Variants in CC2D2B observed in about 807,000 individuals in gnomAD.
The protein encoded by CC2D2B is protein CC2D2B.
Under a neutral mutation model 161.2 loss-of-function variants are expected in CC2D2B, and 128 were observed. The ratio of observed to expected loss-of-function variants is 0.79; its 90% confidence interval spans 0.69 to 0.92. The LOEUF (loss-of-function observed/expected upper bound fraction) is 0.92. CC2D2B is among the 40% of genes least tolerant of loss of function. CC2D2B has a pLI of 0.00. For missense variants in CC2D2B, 1,173 were observed against 1,375.1 expected, an observed-to-expected ratio of 0.85 and a Z score of 2.32; for synonymous variants, 391 against 449.8, an observed-to-expected ratio of 0.87 and a Z score of 1.65.
intron 34 of CC2D2B, among the ~76,000 whole-genome samples, chr10:96,029,286 G>GTATATA (rs58363071): frequency 1.4e-5 from 1 of 70,640 alleles, no homozygotes; most frequent in Non-Finnish European, 3.0e-5. Flanking sequence ...ATATATATAT[G>GTATATA]TATATATATA....
intron 2 of CC2D2B, chr10:95,918,944 C>T (rs181943825): frequency 5.3e-5 from 8 of 152,028 alleles, no homozygotes; most frequent in South Asian, 2.1e-4. Context: ...TTTTCAGCTC[C>T]GGAATTTCTG....
At chr10:95,921,735 G>C (rs1472920404) in intron 2 of CC2D2B, 1 of 182,226 alleles carries the variant, frequency 5.5e-6, no homozygotes, top group Non-Finnish European at 1.1e-5. Flanking sequence ...TATTTGAAAA[G>C]ATGTTCAATA....
intron 30 of CC2D2B, among the ~76,000 whole-genome samples, chr10:96,016,557 G>A (rs2079207348): frequency 6.6e-6 from 1 of 152,070 alleles, no homozygotes; most frequent in Non-Finnish European, 1.5e-5. Context: ...ACATCATAGG[G>A]TTACTGGGAA....
At position 96,005,693 on chromosome 10, in the gene CC2D2B, C is replaced by T. The variant is rs372567615; in HGVS notation, c.2946+1445C>T. 4.5e-4 allele frequency among the ~76,000 whole-genome samples: 68 copies of T among 152,220 alleles called. 2 individuals carry two copies. In the East Asian group the frequency reaches 5.4e-3, roughly 12 times the overall value. ...GAAAGCTGAAGAATTGGAACTCTTA[C>T]AGACACGTAGCCTATTTCTAACGCT... On this transcript the variant is annotated intron_variant, in intron 25 of 34. Coordinates refer to ENST00000646931, the MANE Select transcript of CC2D2B (RefSeq NM_001349008.3).
At chr10:96,029,640 T>C (rs1334503840) in intron 34 of CC2D2B, among the ~76,000 whole-genome samples, 1 of 152,020 alleles carries the variant, frequency 6.6e-6, no homozygotes, top group African/African-American at 2.4e-5. Context: ...ATTAGATTTA[T>C]CTCAGGACCC....
intron 11 of CC2D2B, among the ~76,000 whole-genome samples, chr10:95,960,214 T>C (rs1564619765): frequency 6.6e-6 from 1 of 152,192 alleles, no homozygotes; most frequent in Non-Finnish European, 1.5e-5. Context: ...CTTATGGCAT[T>C]TACTCAAAAT....
At chr10:95,917,287 A>T (rs1044630911) in intron 2 of CC2D2B, among the ~76,000 whole-genome samples, 1 of 151,478 alleles carries the variant, frequency 6.6e-6, no homozygotes, top group Non-Finnish European at 1.5e-5. Flanking sequence ...TGTGTTTCTT[A>T]TGGGTCATTG....
At chr10:95,941,158 G>A (rs746827764) in intron 9 of CC2D2B, among the ~76,000 whole-genome samples, 12 of 152,160 alleles carry the variant, frequency 7.9e-5, no homozygotes, top group Non-Finnish European at 4.4e-5. Context: ...AATGAAATCA[G>A]ACCTTTATCT....
chr10:95,956,081 T>A (rs1487237941), intron 11 of CC2D2B, among the ~76,000 whole-genome samples: 1 of 152,222 alleles, frequency 6.6e-6, no homozygotes, highest in Admixed American at 6.5e-5. Context: ...GACATGAGTT[T>A]ATACAACTTA....
chr10:96,003,447 C>T (rs2141792030), intron 24 of CC2D2B, among the ~76,000 whole-genome samples: 1 of 151,858 alleles, frequency 6.6e-6, no homozygotes, highest in Non-Finnish European at 1.5e-5. Flanking sequence ...AGATGGAGTT[C>T]TGCTCTTGTT....
chr10:95,924,943 G>T, intron 5 of CC2D2B, 99 bp downstream of exon 5: 1 of 674,244 alleles, frequency 1.5e-6, no homozygotes, highest in South Asian at 2.2e-5. Context: ...ATGACTCAAT[G>T]ATTTCTAGTT....
chr10:95,993,277 C>T (rs1258051134), intron 22 of CC2D2B, among the ~76,000 whole-genome samples: 1 of 152,160 alleles, frequency 6.6e-6, no homozygotes, highest in East Asian at 1.9e-4. Flanking sequence ...GGGCAAAGTA[C>T]AGCATCATGA....
chr10:95,938,557 A>G lies in CC2D2B; in HGVS notation c.536-12A>G, dbSNP rs1442166370. ...GACTTTAAAGTAATATCTAAGTTTT[A>G]TTGTTATAAAGTGGTTAACCAGCGC... On this transcript the variant is annotated splice_polypyrimidine_tract_variant and intron_variant, in intron 7 of 34. Coordinates refer to ENST00000646931, the MANE Select transcript of CC2D2B (RefSeq NM_001349008.3). 1 of 674,462 alleles carries G rather than the reference A, an allele frequency of 1.5e-6. No homozygotes were observed. The highest frequency in any genetic ancestry group is 2.7e-5 in the Admixed American group (1 of 37,714). 41.8% of individuals were successfully genotyped at this position (674,462 alleles called of 1,614,324 possible).
In CC2D2B at chr10:95,992,633, A is replaced by C; in HGVS notation, c.2578A>C (p.Ile860Leu). ...AGCGCAGGCGATCTCTGACGGAGATATTAAGATTCTTGTCCGAATAGTGAG... is the reference window on the plus strand; with the variant it reads ...AGCGCAGGCGATCTCTGACGGAGATCTTAAGATTCTTGTCCGAATAGTGAG... ...VTAQAISDGD[I>L]KILVRIVRAY... The change falls in exon 22 of 35, where the codon ATT becomes CTT. Residue 860 changes from isoleucine (I) to leucine (L), a missense_variant. Ile to Leu is a conservative substitution (Grantham distance 5). Transcript: ENST00000646931. 2 of 1,234,322 alleles carry C rather than the reference A, an allele frequency of 1.6e-6. No homozygotes were observed. Among genetic ancestry groups the C allele is most frequent in the Non-Finnish European group, 2.0e-6 (2 of 988,072 alleles). The allele number at this position is 1,234,322 out of a possible 1,614,324, so 76.5% of individuals were successfully genotyped here.
chr10:95,992,543 G>A lies in CC2D2B; in HGVS notation c.2488G>A (p.Val830Ile), dbSNP rs1452069563. 1 of 1,234,126 alleles carries A rather than the reference G, an allele frequency of 8.1e-7. No individual in the cohort carries two copies. The highest frequency in any genetic ancestry group is 1.0e-6 in the Non-Finnish European group (1 of 988,082). The allele number at this position is 1,234,126 out of a possible 1,614,324, so 76.4% of individuals were successfully genotyped here. The change falls in exon 22 of 35, where the codon GTT becomes ATT. Residue 830 changes from valine (V) to isoleucine (I), a missense_variant. Around this residue, in one of 3 missense-constraint regions of CC2D2B, gnomAD observed 598 missense variants for 693.2 expected, o/e 0.86. Transcript: ENST00000646931. ...ACCCTTTAGCCAATTGACAGATGCA[G>A]TTTGTAAGTTTGTTGAACCACGGAG... ...IVSTSQLTDA[V>I]CKFVEPRRKL...
chr10:95,988,471 C>T (rs1043411330), intron 20 of CC2D2B, 129 bp downstream of exon 20: 2 of 398,604 alleles, frequency 5.0e-6, no homozygotes, highest in Admixed American at 9.0e-5. Context: ...TCTTTCAGAT[C>T]ACTGAGGAGT....
intron 12 of CC2D2B, among the ~76,000 whole-genome samples, chr10:95,962,947 G>A (rs986910805): frequency 6.6e-5 from 10 of 151,986 alleles, no homozygotes; most frequent in African/African-American, 1.9e-4. Context: ...CACAGATGTC[G>A]TAGGGTTACC....
chr10:96,032,271 G>GT lies in CC2D2B; in HGVS notation c.*264dup. Reference sequence around the variant, plus strand: ...TGGCTTTCTTGGGTCACTGTCTGCAGTAGGTCTTATTCTGGGAAAGAAGCA... The same window carrying GT: ...TGGCTTTCTTGGGTCACTGTCTGCAGTTAGGTCTTATTCTGGGAAAGAAGCA... On this transcript the variant is annotated 3_prime_UTR_variant, in exon 35 of 35. Coordinates refer to ENST00000646931, the MANE Select transcript of CC2D2B (RefSeq NM_001349008.3). 1 of 377,612 alleles carries GT rather than the reference G, an allele frequency of 2.6e-6. No homozygotes were observed. The highest frequency in any genetic ancestry group is 4.8e-6 in the Non-Finnish European group (1 of 207,934). The allele number at this position is 377,612 out of a possible 1,614,324, so 23.4% of individuals were successfully genotyped here. A position where few individuals can be genotyped will look rare whatever the true frequency, so the allele number is the denominator to read the frequency against.
At chr10:95,939,727 C>G (rs1220342726) in intron 9 of CC2D2B, among the ~76,000 whole-genome samples, 1 of 152,136 alleles carries the variant, frequency 6.6e-6, no homozygotes, top group Non-Finnish European at 1.5e-5. Context: ...CTGCATTTCC[C>G]TAATGACTAA....
Sources: allele counts gnomAD v4.1 joint callset (sites outside exome capture counted in the v4.1 genomes callset), GRCh38; gene constraint gnomAD v4.1.1; regional missense constraint gnomAD v4.1.1; transcripts MANE v1.5; gene names NCBI Gene and HGNC (gene_info 2026-07-23, HGNC 2026-07-21).